Variants in DAPK1 observed in about 807,000 individuals in gnomAD.
DAPK1 encodes the protein death associated protein kinase 1, also known as death-associated protein kinase 1.
In DAPK1, 56 loss-of-function variants were observed where a neutral mutation model predicts 144.9. The ratio of observed to expected loss-of-function variants is 0.39; its 90% CI spans 0.31 to 0.48. The LOEUF (loss-of-function observed/expected upper bound fraction) is 0.48, where lower values mean the gene tolerates loss of function less well. Ranked by LOEUF, DAPK1 falls within the 20% of genes least tolerant of loss-of-function variation. DAPK1 has a pLI of 0.95. For missense variants in DAPK1, 1,454 were observed against 1,875.4 expected (o/e 0.78, Z 4.15); for synonymous variants, 690 against 749.0 (o/e 0.92, Z 1.29).
intron 2 of DAPK1, among the ~76,000 whole-genome samples, chr9:87,544,774 G>C (rs1022752098): frequency 1.3e-5 from 2 of 152,156 alleles, no homozygotes; most frequent in Admixed American, 1.3e-4. Context: ...TAAAAGGCAT[G>C]TTTAAGACGG....
intron 3 of DAPK1, among the ~76,000 whole-genome samples, chr9:87,614,832 G>C (rs1829042796): frequency 6.6e-6 from 1 of 152,150 alleles, no homozygotes; most frequent in African/African-American, 2.4e-5. Flanking sequence ...CAGGCCCTGG[G>C]ACTGCCTGTT....
intron 2 of DAPK1, among the ~76,000 whole-genome samples, chr9:87,501,238 G>A (rs1824380151): frequency 6.6e-6 from 1 of 152,178 alleles, no homozygotes; most frequent in South Asian, 2.1e-4. Context: ...GACTTTACTT[G>A]GCCAGGCGAG....
intron 8 of DAPK1, 110 bp downstream of exon 8, chr9:87,640,560 G>A: frequency 7.8e-7 from 1 of 1,284,146 alleles, no homozygotes. Flanking sequence ...TGCTTCATCT[G>A]CCAAAGGGCA....
intron 2 of DAPK1, among the ~76,000 whole-genome samples, chr9:87,518,485 T>C (rs10868613): frequency 0.61 from 92,608 of 151,404 alleles, 28,665 homozygotes; most frequent in South Asian, 0.83. Context: ...TTTGCCATCG[T>C]CAATCTCATT....
chr9:87,686,681 C>T lies in DAPK1; in HGVS notation c.2355C>T (p.His785=). The change falls in exon 21 of 26, where the codon CAC becomes CAT. Residue 785 remains histidine (H), a synonymous_variant. Transcript: ENST00000408954. The surrounding 1 kb of genome is among the most constrained non-coding windows in gnomAD (Gnocchi z 4.2). ...TTGTGGCCCCGACCCACCACCCGCA[C>T]TGCTCGGCCGATGACCAGTCCACCA... ...EVFVAPTHHP[H]CSADDQSTKA... The T allele has an allele frequency of 6.2e-7, 1 of 1,613,402 alleles. No homozygotes were observed. The highest frequency in any genetic ancestry group is 8.5e-7 in the Non-Finnish European group (1 of 1,179,414).
intron 3 of DAPK1, among the ~76,000 whole-genome samples, 194 bp from the exon 4 acceptor site, chr9:87,637,749 T>A (rs1477535561): frequency 1.3e-5 from 2 of 152,236 alleles, no homozygotes; most frequent in African/African-American, 4.8e-5. Context: ...TCCCAAGTGC[T>A]TTCAAGCACA....
chr9:87,518,117 T>TG (rs1825145212), intron 2 of DAPK1, among the ~76,000 whole-genome samples: 1 of 141,202 alleles, frequency 7.1e-6, no homozygotes, highest in African/African-American at 3.0e-5. Flanking sequence ...TTTTTTTTTT[T>TG]TTTTTTTTTT....
chr9:87,703,168 G>T lies in DAPK1; in HGVS notation c.3011G>T (p.Ser1004Ile). The T allele has an allele frequency of 1.2e-6, 2 of 1,613,052 alleles. No individual in the cohort carries two copies. Among genetic ancestry groups the T allele is most frequent in the Non-Finnish European group, 1.7e-6 (2 of 1,178,972 alleles). The change falls in exon 25 of 26, where the codon AGC becomes ATC. Residue 1004 changes from serine (S) to isoleucine (I), a missense_variant. Coordinates refer to ENST00000408954, the MANE Select transcript of DAPK1 (RefSeq NM_004938.4). The part of the protein sequence containing the change: ...DVQDQLNPLA[S>I]EEDLRRIAQQ... ...CAGGACCAGCTGAACCCCCTGGCCA[G>T]CGAGGAGGACCTCAGGCGCATTGCT... is the stretch of plus-strand genomic sequence containing the variant.
chr9:87,561,937 C>G (rs7861017), intron 2 of DAPK1, among the ~76,000 whole-genome samples: 102,779 of 151,974 alleles, frequency 0.68, 36,406 homozygotes, highest in African/African-American at 0.89. Flanking sequence ...GGGGTGCACT[C>G]CAGCTTTACT....
chr9:87,668,526 G>A (rs1831135529), intron 18 of DAPK1, 71 bp from the exon 19 acceptor site: 6 of 873,554 alleles, frequency 6.9e-6, no homozygotes, highest in South Asian at 1.3e-5. Flanking sequence ...TCAGACCCAC[G>A]GAATTGGCGT....
chr9:87,634,096 T>A (rs1829802683), intron 3 of DAPK1, among the ~76,000 whole-genome samples: 1 of 152,242 alleles, frequency 6.6e-6, no homozygotes, highest in Non-Finnish European at 1.5e-5. Flanking sequence ...TTGCCACCTA[T>A]TTTTTAACTA....
intron 14 of DAPK1, 60 bp from the exon 15 acceptor site, chr9:87,648,721 T>C: frequency 6.8e-7 from 1 of 1,468,958 alleles, no homozygotes; most frequent in South Asian, 1.1e-5. Flanking sequence ...CCTTGGGTTC[T>C]GGTCTCCATA....
intron 2 of DAPK1, among the ~76,000 whole-genome samples, chr9:87,602,160 C>T (rs1353363265): frequency 2.6e-5 from 4 of 152,128 alleles, no homozygotes; most frequent in South Asian, 2.1e-4. Flanking sequence ...GAATAGGGAA[C>T]GGTATCTTAA....
At chr9:87,649,590 TG>T (rs561016532) in intron 15 of DAPK1, among the ~76,000 whole-genome samples, 49 of 152,194 alleles carry the variant, frequency 3.2e-4, no homozygotes, top group Non-Finnish European at 5.9e-4. Flanking sequence ...AAGGCTCTAT[TG>T]TTCAGACAAG....
chr9:87,516,301 G>A lies in DAPK1; in HGVS notation c.62+17162G>A, dbSNP rs926025927. 2.6e-5 allele frequency among the ~76,000 whole-genome samples: 4 copies of A among 152,280 alleles called. No homozygotes were observed. In the South Asian group the frequency reaches 8.3e-4, roughly 32 times the overall value. On this transcript the variant is annotated intron_variant, in intron 2 of 25. Transcript: ENST00000408954. ...ACTGTTGGGGCTCAAGAGCCAGCCA[G>A]GTCATAGCTGTGGTCTAGGCCATAT...
chr9:87,523,799 A>G (rs576951558), intron 2 of DAPK1, among the ~76,000 whole-genome samples: 1 of 152,232 alleles, frequency 6.6e-6, no homozygotes, highest in East Asian at 1.9e-4. Context: ...GCTGGATTCA[A>G]CCAGGGAGAT....
At chr9:87,647,255 T>C in intron 13 of DAPK1, 50 bp from the exon 14 acceptor site, 2 of 1,438,266 alleles carry the variant, frequency 1.4e-6, no homozygotes, top group Non-Finnish European at 2.0e-6. Flanking sequence ...TGCATGCATC[T>C]GGTGCTGTCA....
At chr9:87,533,025 T>C (rs1825746498) in intron 2 of DAPK1, among the ~76,000 whole-genome samples, 1 of 152,160 alleles carries the variant, frequency 6.6e-6, no homozygotes, top group Non-Finnish European at 1.5e-5. Context: ...TTTCATTTCC[T>C]GAATGGAATA....
chr9:87,509,722 A>G (rs1238145934), intron 2 of DAPK1, among the ~76,000 whole-genome samples: 2 of 152,204 alleles, frequency 1.3e-5, no homozygotes, highest in Non-Finnish European at 2.9e-5. Flanking sequence ...CTTCCTAGAT[A>G]TTGGCTTTGC....
Sources: gnomAD v4.1 joint callset for allele counts (sites outside exome capture counted in the v4.1 genomes callset) on GRCh38, gnomAD v4.1.1 for gene constraint, Gnocchi (gnomAD v3.1) non-coding constraint, MANE v1.5 for transcripts, NCBI Gene and HGNC (gene_info 2026-07-23, HGNC 2026-07-21) for gene names.